LRBA: variants seen among roughly 807,000 people sequenced by gnomAD.
LRBA encodes lipopolysaccharide-responsive and beige-like anchor protein.
Under a neutral mutation model 330.0 loss-of-function variants are expected in LRBA, and 176 were observed. The observed-to-expected ratio is 0.53, with a 90% CI of 0.47 to 0.60. LRBA has a LOEUF of 0.60. Ranked by LOEUF, LRBA falls within the 20% of genes least tolerant of loss-of-function variation. The pLI, the probability that LRBA is intolerant of heterozygous loss-of-function variation, is 0.00. For missense variants in LRBA, 3,259 were observed against 3,444.8 expected, an observed-to-expected ratio of 0.95 and a Z score of 1.35; for synonymous variants, 1,230 against 1,193.0, an observed-to-expected ratio of 1.03 and a Z score of -0.64.
rs534469225 is a variant in LRBA at position 150,812,621 on chromosome 4, C to A, written c.5306-4223G>T. Among the ~76,000 whole-genome samples, 267 of 152,084 alleles carry A rather than the reference C, an allele frequency of 1.8e-3. 2 individuals are homozygous for A. The highest frequency in any genetic ancestry group is 2.3e-3 in the Non-Finnish European group (156 of 67,966). ...GAATGAATAAAAATAAGCCTATTGG[C>A]CTAAATCTTACACAAAGCAAAGATG... On this transcript the variant is annotated intron_variant, in intron 31 of 56. Coordinates refer to ENST00000651943, the MANE Select transcript of LRBA (RefSeq NM_001364905.1).
chr4:150,721,289 C>A (rs184363130), intron 36 of LRBA: 13 of 354,822 alleles, frequency 3.7e-5, no homozygotes, highest in African/African-American at 2.4e-4. Flanking sequence ...CTGATGAATT[C>A]TTCATACCCT....
At chr4:150,517,930 G>A (rs1043929763) in intron 40 of LRBA, among the ~76,000 whole-genome samples, 2 of 152,172 alleles carry the variant, frequency 1.3e-5, no homozygotes, top group Non-Finnish European at 2.9e-5. Context: ...CACTTATTAT[G>A]CACTGTGCTG....
chr4:150,392,176 ATCTTTGAG>A (rs1392484447), intron 47 of LRBA, among the ~76,000 whole-genome samples: 1 of 152,082 alleles, frequency 6.6e-6, no homozygotes, highest in Non-Finnish European at 1.5e-5. Flanking sequence ...TCAGTTCTTC[ATCTTTGAG>A]TCAGTTTGGA....
chr4:150,796,560 T>C (rs975921053), intron 34 of LRBA, among the ~76,000 whole-genome samples: 1 of 151,962 alleles, frequency 6.6e-6, no homozygotes, highest in Non-Finnish European at 1.5e-5. Context: ...CCCATTTGAT[T>C]GCATTAGTAT....
At chr4:150,953,685 G>GT (rs1224505237) in intron 2 of LRBA, among the ~76,000 whole-genome samples, 6 of 152,020 alleles carry the variant, frequency 3.9e-5, no homozygotes, top group Non-Finnish European at 8.8e-5. Context: ...CCAGGCTGGA[G>GT]TGCAGTGGTG....
chr4:150,401,393 T>C (rs1385665872), intron 47 of LRBA, among the ~76,000 whole-genome samples: 1 of 152,228 alleles, frequency 6.6e-6, no homozygotes, highest in Non-Finnish European at 1.5e-5. Context: ...TTTTTTCCGA[T>C]AACATCATAA....
chr4:150,615,800 C>A (rs1164742074), intron 37 of LRBA, among the ~76,000 whole-genome samples: 1 of 151,942 alleles, frequency 6.6e-6, no homozygotes, highest in East Asian at 1.9e-4. Flanking sequence ...TTAAGTATGG[C>A]AATATGACTG....
At chr4:150,465,548 A>G (rs1020479045) in intron 44 of LRBA, among the ~76,000 whole-genome samples, 1 of 152,138 alleles carries the variant, frequency 6.6e-6, no homozygotes, top group African/African-American at 2.4e-5. Flanking sequence ...TTCATTAACA[A>G]TCTTCCTAAT....
At chr4:150,635,357 A>T (rs2126686514) in intron 37 of LRBA, among the ~76,000 whole-genome samples, 1 of 152,338 alleles carries the variant, frequency 6.6e-6, no homozygotes. Flanking sequence ...CATTTTGCTT[A>T]CCCAAATATA....
chr4:150,766,842 G>C (rs753901580), intron 34 of LRBA, among the ~76,000 whole-genome samples: 4 of 152,080 alleles, frequency 2.6e-5, no homozygotes. Context: ...CAGCACTTTG[G>C]AGAGGAAGAA....
intron 2 of LRBA, among the ~76,000 whole-genome samples, chr4:150,967,743 T>C (rs746766789): frequency 6.6e-6 from 1 of 152,214 alleles, no homozygotes; most frequent in Non-Finnish European, 1.5e-5. Context: ...ATTATTATTA[T>C]ATTTGTTATG....
chr4:150,743,112 T>C (rs978293453), intron 35 of LRBA, among the ~76,000 whole-genome samples: 8 of 152,134 alleles, frequency 5.3e-5, no homozygotes, highest in African/African-American at 1.9e-4. Context: ...GAATTACAGG[T>C]ACATGAGTCA....
At chr4:150,647,334 G>C (rs1237682083) in intron 37 of LRBA, among the ~76,000 whole-genome samples, 1 of 130,638 alleles carries the variant, frequency 7.7e-6, no homozygotes, top group Admixed American at 7.7e-5. Flanking sequence ...TCTGTAAAAA[G>C]TAAAATGATT....
chr4:150,454,887 T>A (rs371393960), intron 44 of LRBA, among the ~76,000 whole-genome samples: 3 of 152,114 alleles, frequency 2.0e-5, no homozygotes, highest in Non-Finnish European at 4.4e-5. Flanking sequence ...TCCAGTTCCA[T>A]CCAAAAACTT....
At chr4:150,374,759 C>T (rs1740980450) in intron 47 of LRBA, among the ~76,000 whole-genome samples, 1 of 152,126 alleles carries the variant, frequency 6.6e-6, no homozygotes, top group Non-Finnish European at 1.5e-5. Context: ...TGGTCCCAAG[C>T]ATTTCAGGTA....
intron 2 of LRBA, among the ~76,000 whole-genome samples, chr4:150,978,240 C>T (rs1165327218): frequency 6.6e-6 from 1 of 152,226 alleles, no homozygotes; most frequent in Non-Finnish European, 1.5e-5. Context: ...TGGAAGAAAA[C>T]AAGAGTCTCC....
At chr4:150,573,132 C>A (rs1374422108) in intron 40 of LRBA, among the ~76,000 whole-genome samples, 2 of 152,084 alleles carry the variant, frequency 1.3e-5, no homozygotes, top group African/African-American at 4.8e-5. Flanking sequence ...TAGCTGAACA[C>A]ACCATTGCCC....
intron 44 of LRBA, among the ~76,000 whole-genome samples, chr4:150,450,553 T>C (rs947297800): frequency 1.3e-4 from 20 of 152,172 alleles, no homozygotes; most frequent in Admixed American, 9.8e-4. Context: ...AGAACACCAG[T>C]CATATTGGAT....
intron 35 of LRBA, among the ~76,000 whole-genome samples, chr4:150,745,429 T>TTAAA (rs10690553): frequency 0.87 from 132,650 of 151,746 alleles, 58,376 homozygotes; most frequent in Non-Finnish European, 0.94. Flanking sequence ...AAGATGAGCC[T>TTAAA]TAAAGGGCAA....
Sources: allele counts gnomAD v4.1 joint callset (sites outside exome capture counted in the v4.1 genomes callset), GRCh38; gene constraint gnomAD v4.1.1; transcripts MANE v1.5; gene names NCBI Gene and HGNC (gene_info 2026-07-23, HGNC 2026-07-21).